The following JARID2 variants were observed in gnomAD, a reference collection of about 807,000 sequenced individuals.
JARID2 encodes the protein protein Jumonji.
JARID2 carries 21 observed loss-of-function variants against 125.6 expected under a neutral mutation model. The observed-to-expected ratio is 0.17, with a 90% CI of 0.12 to 0.24. JARID2 has a LOEUF of 0.24. Ranked by LOEUF, JARID2 falls within the 10% of genes least tolerant of loss-of-function variation. The pLI is 1.00. For missense variants in JARID2, 1,303 were observed against 1,639.6 expected (o/e 0.79, Z 3.55); for synonymous variants, 736 against 661.6 (o/e 1.11, Z -1.73).
At chr6:15,261,674 C>T (rs924411370) in intron 1 of JARID2, among the ~76,000 whole-genome samples, 35 of 151,564 alleles carry the variant, frequency 2.3e-4, no homozygotes, top group Non-Finnish European at 2.2e-4. Flanking sequence ...AAGTAATCCT[C>T]CTTGCTGAGT....
At chr6:15,327,926 C>A (rs912718272) in intron 1 of JARID2, among the ~76,000 whole-genome samples, 1 of 152,132 alleles carries the variant, frequency 6.6e-6, no homozygotes, top group Non-Finnish European at 1.5e-5. Context: ...TTGTGCACCT[C>A]GTTTGTATTT....
At chr6:15,340,552 T>C (rs942527311) in intron 1 of JARID2, among the ~76,000 whole-genome samples, 1 of 152,194 alleles carries the variant, frequency 6.6e-6, no homozygotes, top group Non-Finnish European at 1.5e-5. Context: ...CTGGTCTTTG[T>C]AGTGGATGGA....
At chr6:15,464,437 TC>T (rs1561880475) in intron 4 of JARID2, among the ~76,000 whole-genome samples, 1 of 152,178 alleles carries the variant, frequency 6.6e-6, no homozygotes, top group Non-Finnish European at 1.5e-5. Flanking sequence ...GTCTGTTCCT[TC>T]TAGGGGAGAT....
At chr6:15,516,909 C>G (rs573550818) in intron 16 of JARID2, among the ~76,000 whole-genome samples, 88 of 152,356 alleles carry the variant, frequency 5.8e-4, no homozygotes, top group African/African-American at 2.0e-3. Flanking sequence ...ACTCCCAGGT[C>G]TAACTCAGAG....
In JARID2 at chr6:15,305,844, G is replaced by A. The variant is rs138173977; in HGVS notation, c.45+59260G>A. Among the ~76,000 whole-genome samples, 741 of 152,292 alleles carry A rather than the reference G, an allele frequency of 4.9e-3. 7 individuals are homozygous for A. The highest frequency in any genetic ancestry group is 0.016 in the African/African-American group (685 of 41,552). ...AAGTCCTGTGAATTCCTTGGACAGTGTATTATGAATTTACAAGGGAGTTCA... is the reference window on the plus strand; with the variant it reads ...AAGTCCTGTGAATTCCTTGGACAGTATATTATGAATTTACAAGGGAGTTCA... On this transcript the variant is annotated intron_variant, in intron 1 of 17. Coordinates refer to ENST00000341776, the MANE Select transcript of JARID2 (RefSeq NM_004973.4).
intron 1 of JARID2, 149 bp downstream of exon 1, chr6:15,246,733 G>A (rs1759195554): frequency 1.4e-6 from 1 of 725,030 alleles, no homozygotes; most frequent in South Asian, 1.8e-5. Context: ...GGCTTTTCAA[G>A]CAAAGTGGTG....
At chr6:15,392,955 G>T (rs1227769624) in intron 2 of JARID2, among the ~76,000 whole-genome samples, 2 of 152,158 alleles carry the variant, frequency 1.3e-5, no homozygotes, top group Non-Finnish European at 2.9e-5. Context: ...AAAGTGCTGG[G>T]ATTGTAGGCG....
At chr6:15,330,733 T>G (rs887647622) in intron 1 of JARID2, among the ~76,000 whole-genome samples, 6 of 152,212 alleles carry the variant, frequency 3.9e-5, no homozygotes, top group African/African-American at 1.4e-4. Flanking sequence ...TCATTATTAT[T>G]GGTGAATCAG....
intron 2 of JARID2, among the ~76,000 whole-genome samples, chr6:15,386,104 A>C (rs556663954): frequency 1.3e-5 from 2 of 152,288 alleles, no homozygotes; most frequent in Non-Finnish European, 2.9e-5. Context: ...TTGTACTTTT[A>C]CTAATATTTT....
intron 4 of JARID2, among the ~76,000 whole-genome samples, chr6:15,467,114 A>G (rs565658800): frequency 1.3e-5 from 2 of 152,208 alleles, no homozygotes; most frequent in Non-Finnish European, 2.9e-5. Flanking sequence ...AGGAAAAGGA[A>G]GGGGTTGAAG....
intron 1 of JARID2, among the ~76,000 whole-genome samples, chr6:15,321,673 A>C (rs1006735922): frequency 7.9e-5 from 12 of 152,136 alleles, no homozygotes; most frequent in African/African-American, 2.9e-4. Context: ...TCAGTGGCTA[A>C]GTAAGTTAAC....
At chr6:15,341,568 C>T (rs954394755) in intron 1 of JARID2, among the ~76,000 whole-genome samples, 1 of 152,168 alleles carries the variant, frequency 6.6e-6, no homozygotes, top group African/African-American at 2.4e-5. Context: ...ACTGGACCTT[C>T]TGTTTTGTCA....
chr6:15,516,206 C>T (rs1266182424), intron 16 of JARID2, among the ~76,000 whole-genome samples: 1 of 152,192 alleles, frequency 6.6e-6, no homozygotes, highest in Non-Finnish European at 1.5e-5. Context: ...GTTCTCTGTT[C>T]CTTGCTTAGA....
intron 2 of JARID2, among the ~76,000 whole-genome samples, chr6:15,390,884 C>T (rs563127728): frequency 3.9e-4 from 59 of 152,250 alleles, no homozygotes; most frequent in African/African-American, 1.3e-3. Context: ...TTCAGAAAAC[C>T]GACAAACTTG....
At chr6:15,279,122 T>C (rs1463793039) in intron 1 of JARID2, among the ~76,000 whole-genome samples, 3 of 134,268 alleles carry the variant, frequency 2.2e-5, no homozygotes, top group African/African-American at 1.2e-4. Context: ...TGTCCAGCTA[T>C]TGTATAACAA....
intron 3 of JARID2, among the ~76,000 whole-genome samples, chr6:15,427,295 G>A (rs1766769059): frequency 6.6e-6 from 1 of 152,122 alleles, no homozygotes; most frequent in South Asian, 2.1e-4. Context: ...TTAGATGTTG[G>A]CGAACACTTG....
chr6:15,292,807 T>C (rs1362008951), intron 1 of JARID2, among the ~76,000 whole-genome samples: 3 of 152,166 alleles, frequency 2.0e-5, no homozygotes, highest in African/African-American at 4.8e-5. Context: ...GCTGGAACCA[T>C]TGGTGTGCGC....
At chr6:15,375,791 C>CT (rs1764330584) in intron 2 of JARID2, among the ~76,000 whole-genome samples, 1 of 152,178 alleles carries the variant, frequency 6.6e-6, no homozygotes, top group South Asian at 2.1e-4. Flanking sequence ...GGAGCAGTGA[C>CT]TGCTGTACTG....
In JARID2 at chr6:15,308,049, A is replaced by G. The variant is rs563798749; in HGVS notation, c.45+61465A>G. On this transcript the variant is annotated intron_variant, in intron 1 of 17. Coordinates refer to ENST00000341776, the MANE Select transcript of JARID2 (RefSeq NM_004973.4). Reference sequence around the variant, plus strand: ...AATCTTGATGCACAGAATGGTTGGTAACGGTTCTTCCTCCTTAAATTTTTC... The same window carrying G: ...AATCTTGATGCACAGAATGGTTGGTGACGGTTCTTCCTCCTTAAATTTTTC... Among the ~76,000 whole-genome samples the G allele has an allele frequency of 2.6e-5, 4 of 152,304 alleles. No homozygotes were observed. In the South Asian group the frequency reaches 8.3e-4, roughly 32 times the overall value.
Sources: gnomAD v4.1 joint callset for allele counts (sites outside exome capture counted in the v4.1 genomes callset) on GRCh38, gnomAD v4.1.1 for gene constraint, MANE v1.5 for transcripts, NCBI Gene and HGNC (gene_info 2026-07-23, HGNC 2026-07-21) for gene names.